Variants in ZNF318 observed in about 807,000 individuals in gnomAD.
ZNF318 encodes endocrine regulator.
ZNF318 carries 51 observed loss-of-function variants against 124.2 expected under a neutral mutation model. That is an observed-to-expected ratio of 0.41 (90% CI 0.33 to 0.52). The LOEUF (loss-of-function observed/expected upper bound fraction) is 0.52, where lower values mean the gene tolerates loss of function less well. Among genes scored for constraint, ZNF318 ranks in the 20% least tolerant of loss-of-function variants. The probability of loss-of-function intolerance (pLI) is 0.23; values close to 1 mark genes in which losing one functional copy is unlikely to be tolerated. For synonymous variants in ZNF318, 1,090 were observed against 1,040.7 expected (o/e 1.05, Z -0.91); for missense variants, 2,815 against 2,811.2 (o/e 1.00, Z -0.03).
At chr6:43,349,074 T>C (rs1779493211) in intron 5 of ZNF318, among the ~76,000 whole-genome samples, 1 of 152,174 alleles carries the variant, frequency 6.6e-6, no homozygotes, top group South Asian at 2.1e-4. Context: ...GAGACTCTCC[T>C]TCCACATGGG....
At chr6:43,356,233 CTGAAT>C in intron 3 of ZNF318, 88 bp from the exon 4 acceptor site, 5 of 1,394,724 alleles carry the variant, frequency 3.6e-6, no homozygotes, top group Admixed American at 4.8e-5. Context: ...TTTGGTCTTC[CTGAAT>C]TAACAGGTGA....
At position 43,340,468 on chromosome 6, in the gene ZNF318, C is replaced by T. The variant is rs750326934; in HGVS notation, c.3530G>A (p.Arg1177Gln). The change falls in exon 10 of 10, where the codon CGG becomes CAG. Residue 1177 changes from arginine (R) to glutamine (Q), a missense_variant. Arg to Gln is a conservative substitution (Grantham distance 43, BLOSUM62 1). Around this residue, in one of 4 missense-constraint regions of ZNF318, gnomAD observed 500 missense variants for 605.2 expected, o/e 0.83. Transcript: ENST00000361428. ...YVDENPLYEE[R>Q]RNLDRQAGLA... ...GCCAGCTTGGCGGTCCAGATTCCGCCGCTCCTCATATAATGGGTTTTCATC... is the reference window on the plus strand; with the variant it reads ...GCCAGCTTGGCGGTCCAGATTCCGCTGCTCCTCATATAATGGGTTTTCATC... 2.5e-6 allele frequency: 4 copies of T among 1,610,688 alleles called. No homozygotes were observed. Among genetic ancestry groups the T allele is most frequent in the Non-Finnish European group, 1.7e-6 (2 of 1,179,156 alleles).
rs2150759970 is a variant in ZNF318 at position 43,369,172 on chromosome 6, C to G, written c.194G>C (p.Gly65Ala). ...RRPRSPSGHR[G>A]RRASPSPPRG... ...TGGCGGGGACGGCGAGGCCCGGCGG[C>G]CGCGGTGCCCTGAGGGCGAGCGGGG... The change falls in exon 1 of 10, where the codon GGC (glycine) becomes GCC (alanine). Residue 65 changes from glycine (G) to alanine (A), a missense_variant. Physicochemically the swap from Gly to Ala is moderately conservative, Grantham distance 60 (BLOSUM62 0). This residue lies in a region of ZNF318 where 1,377 missense variants were observed against 1,353.5 expected (regional missense o/e 1.02). Coordinates refer to ENST00000361428, the MANE Select transcript of ZNF318 (RefSeq NM_014345.3). The G allele has an allele frequency of 8.3e-7, 1 of 1,208,376 alleles. No homozygotes were observed. Among genetic ancestry groups the G allele is most frequent in the Non-Finnish European group, 1.0e-6 (1 of 973,518 alleles). 74.9% of individuals were successfully genotyped at this position (1,208,376 alleles called of 1,614,324 possible). A position where few individuals can be genotyped will look rare whatever the true frequency, so the allele number is the denominator to read the frequency against.
intron 1 of ZNF318, chr6:43,368,709 C>A (rs1779793374): frequency 1.0e-6 from 1 of 985,358 alleles, no homozygotes; most frequent in African/African-American, 1.7e-5. Flanking sequence ...CCACACCTCA[C>A]CCGGCATGAG....
In ZNF318 at chr6:43,337,468, G is replaced by A; in HGVS notation, c.6530C>T (p.Thr2177Ile). Residue 2177 changes from threonine (T) to isoleucine (I), a missense_variant, in exon 10 of 10, where the codon ACA becomes ATA. By Grantham distance (89) the Thr-to-Ile change is moderately conservative (BLOSUM62 -1). This residue lies in a region of ZNF318 where 927 missense variants were observed against 820.6 expected (regional missense o/e 1.13). Coordinates refer to ENST00000361428, the MANE Select transcript of ZNF318 (RefSeq NM_014345.3). Reference sequence around the variant, plus strand: ...ATCTTTTTGAACTCCAGAGGTCCGTGTGACAAAGTCAACAAGGTCTGGAAG... The same window carrying A: ...ATCTTTTTGAACTCCAGAGGTCCGTATGACAAAGTCAACAAGGTCTGGAAG... Reference protein sequence around the residue: ...PCLPDLVDFVTRTSGVQKDKL... With the variant: ...PCLPDLVDFVIRTSGVQKDKL... 1.9e-6 allele frequency: 3 copies of A among 1,614,182 alleles called. No individual in the cohort carries two copies. The highest frequency in any genetic ancestry group is 2.5e-6 in the Non-Finnish European group (3 of 1,180,036).
rs748034123 is a variant in ZNF318, at chr6:43,366,738, T to C, written c.400-1298A>G. ...AGAGGATCGCTTGAGCGTGGGAGTT[T>C]GAGACTGCAGTGAGCTATGATCACA... On this transcript the variant is annotated intron_variant, in intron 1 of 9. Coordinates refer to ENST00000361428, the MANE Select transcript of ZNF318 (RefSeq NM_014345.3). Among the ~76,000 whole-genome samples, 141 of 152,310 alleles carry C rather than the reference T, an allele frequency of 9.3e-4. 2 individuals carry two copies. The highest frequency in any genetic ancestry group is 1.3e-3 in the Admixed American group (20 of 15,284).
intron 5 of ZNF318, among the ~76,000 whole-genome samples, chr6:43,351,257 T>A (rs184559478): frequency 1.1e-4 from 17 of 152,354 alleles, no homozygotes; most frequent in Non-Finnish European, 2.5e-4. Flanking sequence ...AAACTGAATG[T>A]GATAAATAAT....
intron 1 of ZNF318, among the ~76,000 whole-genome samples, chr6:43,365,804 A>G (rs1462916317): frequency 6.6e-6 from 1 of 152,216 alleles, no homozygotes; most frequent in Non-Finnish European, 1.5e-5. Flanking sequence ...ACAACCCTGC[A>G]AAGTTGGGGT....
Position 43,340,484 on chromosome 6 carries a change from G to C in ZNF318, c.3514C>G (p.Pro1172Ala). ...AGATTCCGCCGCTCCTCATATAATG[G>C]GTTTTCATCCACATATTTCTGGGAA... ...EKYKKYVDEN[P>A]LYEERRNLDR... is the part of the protein sequence containing the mutation. Residue 1172 changes from proline (P) to alanine (A), a missense_variant, in exon 10 of 10, where the codon CCA becomes GCA. Physicochemically the swap from Pro to Ala is conservative, Grantham distance 27. This residue lies in a region of ZNF318 where 500 missense variants were observed against 605.2 expected (regional missense o/e 0.83). Transcript: ENST00000361428. 3.8e-6 allele frequency: 6 copies of C among 1,592,940 alleles called. No individual in the cohort carries two copies. Among genetic ancestry groups the C allele is most frequent in the Admixed American group, 1.9e-5 (1 of 53,984 alleles).
At chr6:43,364,250 G>C in intron 2 of ZNF318, 4 of 587,040 alleles carry the variant, frequency 6.8e-6, no homozygotes, top group South Asian at 2.1e-5. Context: ...ACACACCAGA[G>C]TCTCTGTGCA....
intron 9 of ZNF318, 132 bp from the exon 10 acceptor site, chr6:43,340,634 AT>A: frequency 6.7e-7 from 1 of 1,497,948 alleles, no homozygotes; most frequent in Non-Finnish European, 8.9e-7. Flanking sequence ...ACGGGATGCT[AT>A]CTGCTGAGCA....
intron 4 of ZNF318, among the ~76,000 whole-genome samples, chr6:43,353,805 A>C (rs1207145386): frequency 6.6e-6 from 1 of 152,204 alleles, no homozygotes; most frequent in Non-Finnish European, 1.5e-5. Flanking sequence ...AAATTCTTCT[A>C]TTATGTATTC....
Position 43,337,558 on chromosome 6 carries a change from T to C in ZNF318, c.6440A>G (p.Lys2147Arg), listed in dbSNP as rs149844293. The change falls in exon 10 of 10, where the codon AAA becomes AGA. Residue 2147 changes from lysine to arginine, a missense_variant. Lys to Arg is a conservative substitution (Grantham distance 26). Coordinates refer to ENST00000361428, the MANE Select transcript of ZNF318 (RefSeq NM_014345.3). ...TAATTCCAATCCGAGTGACTCTTGT[T>C]TGTCTAATTGGGAAGATTCTTTTAC... ...EEVKESSQLD[K>R]QESLGLELKT... The C allele has an allele frequency of 6.8e-6, 11 of 1,613,960 alleles. No homozygotes were observed. The highest frequency in any genetic ancestry group is 2.2e-5 in the East Asian group (1 of 44,896).
intron 2 of ZNF318, among the ~76,000 whole-genome samples, chr6:43,359,269 A>G (rs1779650432): frequency 6.6e-6 from 1 of 152,178 alleles, no homozygotes. Context: ...GGTTCACCAT[A>G]TATTTTTATT....
At chr6:43,345,492 G>T (rs1051116984) in intron 6 of ZNF318, among the ~76,000 whole-genome samples, 1 of 152,168 alleles carries the variant, frequency 6.6e-6, no homozygotes, top group Non-Finnish European at 1.5e-5. Flanking sequence ...AGACCATGAA[G>T]ACGCACCCAA....
At position 43,354,743 on chromosome 6, in the gene ZNF318, T is replaced by C. The variant is rs753819147; in HGVS notation, c.2591A>G (p.Gln864Arg). 8 of 1,614,174 alleles carry C rather than the reference T, an allele frequency of 5.0e-6. No homozygotes were observed. The highest frequency in any genetic ancestry group is 1.1e-5 in the South Asian group (1 of 91,086). ...GSIPAAQVPVQVSIPSLIRYN... is the reference protein window; with the variant it reads ...GSIPAAQVPVRVSIPSLIRYN... ...TCTTATGAGTGATGGAATGGACACC[T>C]GGACAGGCACTTGGGCCGCAGGAAT... Residue 864 changes from glutamine to arginine, a missense_variant, in exon 4 of 10, where the codon CAG becomes CGG. Coordinates refer to ENST00000361428, the MANE Select transcript of ZNF318 (RefSeq NM_014345.3).
chr6:43,354,782 G>C lies in ZNF318; in HGVS notation c.2552C>G (p.Ser851Cys), dbSNP rs1464843911. 6.2e-7 allele frequency: 1 copy of C among 1,614,176 alleles called. No individual in the cohort carries two copies. The highest frequency in any genetic ancestry group is 8.5e-7 in the Non-Finnish European group (1 of 1,180,020). Residue 851 changes from serine to cysteine, a missense_variant, in exon 4 of 10, where the codon TCT becomes TGT. Physicochemically the swap from Ser to Cys is moderately radical, Grantham distance 112. Around this residue, in one of 4 missense-constraint regions of ZNF318, gnomAD observed 1,377 missense variants for 1,353.5 expected, o/e 1.02. Transcript: ENST00000361428. ...GGCCGCAGGAATTGAGCCTCGCAGA[G>C]ACTCTTTCTGCTTAGGCTTATCAGG... Reference protein sequence around the residue: ...VTPDKPKQKESLRGSIPAAQV... With the variant: ...VTPDKPKQKECLRGSIPAAQV...
Position 43,355,884 on chromosome 6 carries a change from C to G in ZNF318, c.1450G>C (p.Ala484Pro), listed in dbSNP as rs755297954. ...TCTGTGTGTCGCTCAGGTCCCTCAG[C>G]CTTCAAATCCAAATTATCCTTGTGG... ...LCHKDNLDLKAEGPERHTDFL... is the reference protein window; with the variant it reads ...LCHKDNLDLKPEGPERHTDFL... The change falls in exon 4 of 10, where the codon GCT (alanine) becomes CCT (proline). Residue 484 changes from alanine (A) to proline (P), a missense_variant. By Grantham distance (27) the Ala-to-Pro change is conservative. Coordinates refer to ENST00000361428, the MANE Select transcript of ZNF318 (RefSeq NM_014345.3). 1 of 1,614,112 alleles carries G rather than the reference C, an allele frequency of 6.2e-7. No homozygotes were observed. Among genetic ancestry groups the G allele is most frequent in the East Asian group, 2.2e-5 (1 of 44,900 alleles).
Position 43,354,780 on chromosome 6 carries a change from G to A in ZNF318, c.2554C>T (p.Leu852=). 1 of 1,614,184 alleles carries A rather than the reference G, an allele frequency of 6.2e-7. No individual in the cohort carries two copies. The highest frequency in any genetic ancestry group is 8.5e-7 in the Non-Finnish European group (1 of 1,180,022). ...TPDKPKQKES[L]RGSIPAAQVP... is the part of the protein sequence containing the mutation. Reference sequence around the variant, plus strand: ...TGGGCCGCAGGAATTGAGCCTCGCAGAGACTCTTTCTGCTTAGGCTTATCA... The same window carrying A: ...TGGGCCGCAGGAATTGAGCCTCGCAAAGACTCTTTCTGCTTAGGCTTATCA... Residue 852 remains leucine, a synonymous_variant, in exon 4 of 10, where the codon CTG becomes TTG. Transcript: ENST00000361428.
Sources: allele counts gnomAD v4.1 joint callset (sites outside exome capture counted in the v4.1 genomes callset), GRCh38; gene constraint gnomAD v4.1.1; regional missense constraint gnomAD v4.1.1; transcripts MANE v1.5; gene names NCBI Gene and HGNC (gene_info 2026-07-23, HGNC 2026-07-21).